The following INTS9 variants were observed in gnomAD, a reference collection of about 807,000 sequenced individuals.
INTS9 encodes the protein integrator complex subunit 9, also known as protein related to CPSF subunits of 74 kDa.
Under a neutral mutation model 79.7 loss-of-function variants are expected in INTS9, and 55 were observed. The ratio of observed to expected loss-of-function variants is 0.69; its 90% CI spans 0.56 to 0.86. The LOEUF (loss-of-function observed/expected upper bound fraction) is 0.86, where lower values mean the gene tolerates loss of function less well. Ranked by LOEUF, INTS9 falls within the 40% of genes least tolerant of loss-of-function variation. The pLI is 0.00. For synonymous variants in INTS9, 319 were observed against 325.2 expected, an observed-to-expected ratio of 0.98 and a Z score of 0.20; for missense variants, 721 against 831.5, an observed-to-expected ratio of 0.87 and a Z score of 1.64.
Position 28,768,271 on chromosome 8 carries a change from G to C in INTS9, c.1852C>G (p.Leu618Val), listed in dbSNP as rs774469045. 1 of 1,614,084 alleles carries C rather than the reference G, an allele frequency of 6.2e-7. No individual in the cohort carries two copies. The highest frequency in any genetic ancestry group is 1.3e-5 in the African/African-American group (1 of 75,048). ...VEDTAKGHIV[L>V]LQEAETLIQI... Reference sequence around the variant, plus strand: ...ATGAGCGTCTCAGCCTCCTGGAGCAGGACGATATGGCCCTTGGCTGTGTCC... The same window carrying C: ...ATGAGCGTCTCAGCCTCCTGGAGCACGACGATATGGCCCTTGGCTGTGTCC... The change falls in exon 17 of 17, where the codon CTG (leucine) becomes GTG (valine). Residue 618 changes from leucine to valine, a missense_variant. Around this residue, in one of 3 missense-constraint regions of INTS9, gnomAD observed 281 missense variants for 300.8 expected, o/e 0.93. Transcript: ENST00000521022.
chr8:28,818,799 G>A (rs1372344370), intron 6 of INTS9, among the ~76,000 whole-genome samples: 3 of 151,596 alleles, frequency 2.0e-5, no homozygotes, highest in Non-Finnish European at 4.4e-5. Context: ...TTTTTGGTTG[G>A]TAAGCTATTG....
At chr8:28,777,710 C>G (rs558264342) in intron 13 of INTS9, 119 bp downstream of exon 13, 2 of 1,163,708 alleles carry the variant, frequency 1.7e-6, no homozygotes, top group East Asian at 2.9e-5. Context: ...TCTGCAGATG[C>G]GTGAGAACTG....
At chr8:28,812,069 G>A (rs947580114) in intron 8 of INTS9, among the ~76,000 whole-genome samples, 10 of 152,190 alleles carry the variant, frequency 6.6e-5, no homozygotes. Context: ...ATAACCATCT[G>A]TGTCCCACAT....
intron 5 of INTS9, 114 bp from the exon 6 acceptor site, chr8:28,835,492 T>C (rs1806759821): frequency 1.1e-5 from 7 of 644,984 alleles, no homozygotes; most frequent in Non-Finnish European, 1.4e-5. Context: ...CACCATTTCA[T>C]CATCATCTTC....
chr8:28,879,953 G>T (rs1047284182), intron 1 of INTS9, among the ~76,000 whole-genome samples: 1 of 152,042 alleles, frequency 6.6e-6, no homozygotes, highest in African/African-American at 2.4e-5. Flanking sequence ...AATCTGGATC[G>T]TGGTGAATGA....
At chr8:28,874,584 C>T (rs985054545) in intron 1 of INTS9, among the ~76,000 whole-genome samples, 3 of 152,160 alleles carry the variant, frequency 2.0e-5, no homozygotes, top group East Asian at 1.9e-4. Flanking sequence ...TGAGCCACTG[C>T]ACCCGGCCAC....
At chr8:28,803,980 C>A (rs1804664251) in intron 8 of INTS9, among the ~76,000 whole-genome samples, 1 of 152,112 alleles carries the variant, frequency 6.6e-6, no homozygotes, top group African/African-American at 2.4e-5. Flanking sequence ...CTGGAGCACA[C>A]TGGTGCAGTC....
chr8:28,818,320 C>G (rs1177202240), intron 6 of INTS9, among the ~76,000 whole-genome samples: 1 of 149,458 alleles, frequency 6.7e-6, no homozygotes, highest in African/African-American at 2.5e-5. Context: ...TTTTGAGATA[C>G]GTCCCATCAA....
At chr8:28,841,811 T>C (rs1179239039) in intron 4 of INTS9, among the ~76,000 whole-genome samples, 1 of 152,144 alleles carries the variant, frequency 6.6e-6, no homozygotes, top group Non-Finnish European at 1.5e-5. Flanking sequence ...AGGAGCCAGA[T>C]GTGGTGGCTC....
At position 28,850,155 on chromosome 8, in the gene INTS9, G is replaced by A. The variant is rs1008304050; in HGVS notation, c.198+58C>T. On this transcript the variant is annotated intron_variant, in intron 3 of 16. Transcript: ENST00000521022. ...CACTACTACAGGGTGGCTCTGGTATGAGAAGATAGCTTTCCACTGGCTGTA... is the reference window on the plus strand; with the variant it reads ...CACTACTACAGGGTGGCTCTGGTATAAGAAGATAGCTTTCCACTGGCTGTA... 3.5e-5 allele frequency: 49 copies of A among 1,405,186 alleles called. No individual in the cohort carries two copies. In the Middle Eastern group the frequency reaches 8.9e-4, roughly 26 times the overall value. The allele number at this position is 1,405,186 out of a possible 1,614,324, so 87.0% of individuals were successfully genotyped here.
At chr8:28,794,762 C>A (rs1277322649) in intron 9 of INTS9, among the ~76,000 whole-genome samples, 1 of 152,208 alleles carries the variant, frequency 6.6e-6, no homozygotes, top group Non-Finnish European at 1.5e-5. Context: ...TTCTGGAAGT[C>A]TCCTTTCCCC....
At chr8:28,771,348 G>A (rs1802528992) in intron 14 of INTS9, among the ~76,000 whole-genome samples, 1 of 152,082 alleles carries the variant, frequency 6.6e-6, no homozygotes, top group Admixed American at 6.6e-5. Context: ...GGCGGTTGAG[G>A]GAGCTCTCTC....
intron 10 of INTS9, among the ~76,000 whole-genome samples, chr8:28,791,703 A>G (rs1803929284): frequency 6.6e-6 from 1 of 152,174 alleles, no homozygotes; most frequent in Admixed American, 6.5e-5. Flanking sequence ...CTCTTCCTTC[A>G]TGGTACAGAT....
At chr8:28,876,947 GAAAT>G (rs1371294782) in intron 1 of INTS9, among the ~76,000 whole-genome samples, 1 of 151,902 alleles carries the variant, frequency 6.6e-6, no homozygotes, top group African/African-American at 2.4e-5. Flanking sequence ...TTTAAAAAAA[GAAAT>G]AAAGGAAAAG....
Position 28,771,014 on chromosome 8 carries a change from G to A in INTS9, c.1630C>T (p.Leu544=). 6.2e-7 allele frequency: 1 copy of A among 1,613,512 alleles called. No homozygotes were observed. Among genetic ancestry groups the A allele is most frequent in the Non-Finnish European group, 8.5e-7 (1 of 1,179,848 alleles). The change falls in exon 15 of 17, where the codon CTG becomes TTG. Residue 544 remains leucine (L), a synonymous_variant. Coordinates refer to ENST00000521022, the MANE Select transcript of INTS9 (RefSeq NM_018250.4). Reference sequence around the variant, plus strand: ...AAGTGCTTGTTATCTTTGGTGTGCAGCACGGCCGAGACAGTTGCCAAGGAG... The same window carrying A: ...AAGTGCTTGTTATCTTTGGTGTGCAACACGGCCGAGACAGTTGCCAAGGAG... ...GISLATVSAV[L]HTKDNKHLLQ...
chr8:28,773,463 CA>C (rs142334976), intron 14 of INTS9, among the ~76,000 whole-genome samples: 55,112 of 107,652 alleles, frequency 0.51, 12,361 homozygotes, highest in Non-Finnish European at 0.56. Flanking sequence ...GACTCCGTCT[CA>C]AAAAAAAAAA....
intron 6 of INTS9, among the ~76,000 whole-genome samples, chr8:28,831,086 T>TA (rs1365466190): frequency 1.3e-5 from 2 of 152,050 alleles, no homozygotes; most frequent in Non-Finnish European, 2.9e-5. Context: ...CAGACTGGAT[T>TA]AAAAAAATGT....
intron 10 of INTS9, among the ~76,000 whole-genome samples, chr8:28,792,092 A>G (rs765398028): frequency 2.1e-4 from 32 of 152,212 alleles, no homozygotes; most frequent in Non-Finnish European, 4.4e-4. Flanking sequence ...ATATATTAGC[A>G]TCATGTTGGC....
chr8:28,793,711 G>T (rs1369680594), intron 10 of INTS9, 96 bp downstream of exon 10: 2 of 1,138,210 alleles, frequency 1.8e-6, no homozygotes, highest in Non-Finnish European at 2.4e-6. Flanking sequence ...AATTTCCACA[G>T]TAATGTGAGA....
Sources: allele counts gnomAD v4.1 joint callset (sites outside exome capture counted in the v4.1 genomes callset), GRCh38; gene constraint gnomAD v4.1.1; regional missense constraint gnomAD v4.1.1; transcripts MANE v1.5; gene names NCBI Gene and HGNC (gene_info 2026-07-23, HGNC 2026-07-21).